Variants in XKR5 observed in about 807,000 individuals in gnomAD.
XKR5 encodes the protein XK-related protein 5.
XKR5 carries 46 observed loss-of-function variants against 40.8 expected under a neutral mutation model. The observed-to-expected ratio is 1.13, with a 90% CI of 0.89 to 1.44. The LOEUF (loss-of-function observed/expected upper bound fraction) is 1.44, where lower values mean the gene tolerates loss of function less well. Ranked by LOEUF, XKR5 falls within the 40% of genes most tolerant of loss-of-function variation. XKR5 has a pLI of 0.00. For synonymous variants in XKR5, 466 were observed against 356.1 expected (o/e 1.31, Z -3.48); for missense variants, 1,169 against 844.7 (o/e 1.38, Z -4.76).
intron 6 of XKR5, among the ~76,000 whole-genome samples, chr8:6,815,144 G>T (rs994928980): frequency 1.3e-5 from 2 of 152,224 alleles, no homozygotes; most frequent in African/African-American, 4.8e-5. Flanking sequence ...GTGGAAGCCT[G>T]CTGTGCTGGG....
chr8:6,809,818 C>G lies in XKR5; in HGVS notation c.*1380G>C, dbSNP rs1803599514. ...CAAAAGTGTTTGGAGAGAATAAAAACTACCCATTCTGGCTGGGCACGGTGG... is the reference window on the plus strand; with the variant it reads ...CAAAAGTGTTTGGAGAGAATAAAAAGTACCCATTCTGGCTGGGCACGGTGG... On this transcript the variant is annotated 3_prime_UTR_variant, in exon 7 of 7. Transcript: ENST00000618742. 1 of 152,146 alleles carries G rather than the reference C, an allele frequency of 6.6e-6. No homozygotes were observed. The highest frequency in any genetic ancestry group is 2.1e-4 in the South Asian group (1 of 4,824). The allele number at this position is 152,146 out of a possible 1,614,324, so 9.4% of individuals were successfully genotyped here.
chr8:6,811,163 T>G lies in XKR5; in HGVS notation c.*35A>C. 3 of 1,500,206 alleles carry G rather than the reference T, an allele frequency of 2.0e-6. No homozygotes were observed. The highest frequency in any genetic ancestry group is 2.7e-6 in the Non-Finnish European group (3 of 1,125,262). The allele number at this position is 1,500,206 out of a possible 1,614,324, so 92.9% of individuals were successfully genotyped here. ...ACGGTACCAAATGGCCAGCTTGGTT[T>G]GTCAGCCTGTTGTCTTATCCCACCA... On this transcript the variant is annotated 3_prime_UTR_variant, in exon 7 of 7. Transcript: ENST00000618742.
At chr8:6,819,323 G>A (rs575969590) in intron 5 of XKR5, among the ~76,000 whole-genome samples, 31 of 152,332 alleles carry the variant, frequency 2.0e-4, no homozygotes, top group South Asian at 1.0e-3. Context: ...TAATGCTTTC[G>A]GATGGCAGCA....
chr8:6,831,267 C>T (rs191745959), intron 2 of XKR5, among the ~76,000 whole-genome samples: 174 of 152,346 alleles, frequency 1.1e-3, no homozygotes, highest in Non-Finnish European at 1.9e-3. Context: ...AAAGATCCTT[C>T]TCTGCCTTCT....
chr8:6,823,844 C>G, intron 3 of XKR5, 114 bp from the exon 4 acceptor site: 1 of 916,536 alleles, frequency 1.1e-6, no homozygotes. Context: ...TTGTTAAAGC[C>G]TGGCTGCACA....
At chr8:6,830,761 G>A (rs1253426400) in intron 2 of XKR5, among the ~76,000 whole-genome samples, 1 of 152,004 alleles carries the variant, frequency 6.6e-6, no homozygotes, top group Non-Finnish European at 1.5e-5. Flanking sequence ...TTATCTATAT[G>A]ATTTCACTAG....
intron 2 of XKR5, among the ~76,000 whole-genome samples, chr8:6,832,014 C>CAAAA (rs34490284): frequency 1.3e-4 from 6 of 45,102 alleles, no homozygotes; most frequent in Middle Eastern, 0.013. Flanking sequence ...GACTCCATCT[C>CAAAA]AAAAAAAAAA....
chr8:6,831,691 C>T (rs190959679), intron 2 of XKR5, among the ~76,000 whole-genome samples: 1 of 152,184 alleles, frequency 6.6e-6, no homozygotes, highest in African/African-American at 2.4e-5. Flanking sequence ...CAGGGCTTCA[C>T]CGCTCTGATC....
intron 3 of XKR5, among the ~76,000 whole-genome samples, chr8:6,824,591 T>G (rs1804376801): frequency 6.6e-6 from 1 of 152,158 alleles, no homozygotes; most frequent in Admixed American, 6.5e-5. Context: ...AATGCAGTGA[T>G]GCAATCATGA....
In XKR5 at chr8:6,810,476, G is replaced by A. The variant is rs531181320; in HGVS notation, c.*722C>T. On this transcript the variant is annotated 3_prime_UTR_variant, in exon 7 of 7. Transcript: ENST00000618742. ...TCTTGGCTGGCCAGCCTGCACAAAG[G>A]GGAGCAGCACATTTCACAGAAAAAT... is the stretch of plus-strand genomic sequence containing the variant. The A allele has an allele frequency of 1.3e-5, 2 of 152,220 alleles. No individual in the cohort carries two copies. The highest frequency in any genetic ancestry group is 2.9e-5 in the Non-Finnish European group (2 of 68,046). 9.4% of individuals were successfully genotyped at this position (152,220 alleles called of 1,614,324 possible). A position where few individuals can be genotyped will look rare whatever the true frequency, so the allele number is the denominator to read the frequency against.
chr8:6,828,548 A>T (rs1363898433), intron 2 of XKR5, among the ~76,000 whole-genome samples: 2 of 152,186 alleles, frequency 1.3e-5, no homozygotes, highest in Non-Finnish European at 2.9e-5. Context: ...GACAGCCACT[A>T]GGGAAGCCGG....
Position 6,811,587 on chromosome 8 carries a change from C to T in XKR5, c.1672G>A (p.Gly558Ser). The change falls in exon 7 of 7, where the codon GGC (glycine) becomes AGC (serine). Residue 558 changes from glycine (G) to serine (S), a missense_variant. Physicochemically the swap from Gly to Ser is moderately conservative, Grantham distance 56. Transcript: ENST00000618742. ...GCCGTTTGCAGAGTAGCTGGGCTGC[C>T]TTCTTGTTGTGAGGATGTGGCCACT... Reference protein sequence around the residue: ...AEVATSSQQEGSPATLQTAHS... With the variant: ...AEVATSSQQESSPATLQTAHS... The T allele has an allele frequency of 6.5e-7, 1 of 1,537,316 alleles. No individual in the cohort carries two copies. Among genetic ancestry groups the T allele is most frequent in the South Asian group, 1.2e-5 (1 of 84,052 alleles).
At chr8:6,828,747 C>G (rs1211501857) in intron 2 of XKR5, among the ~76,000 whole-genome samples, 2 of 152,234 alleles carry the variant, frequency 1.3e-5, no homozygotes, top group Non-Finnish European at 1.5e-5. Flanking sequence ...CTGGTGCCAT[C>G]TGTCTACAGG....
intron 6 of XKR5, 61 bp from the exon 7 acceptor site, chr8:6,812,400 T>C: frequency 2.1e-6 from 3 of 1,458,120 alleles, no homozygotes; most frequent in Non-Finnish European, 2.7e-6. Flanking sequence ...CTCCCTCTGG[T>C]GTGCAGTTTC....
chr8:6,823,396 C>T (rs1415142408), intron 4 of XKR5, 125 bp downstream of exon 4: 2 of 997,168 alleles, frequency 2.0e-6, no homozygotes, highest in African/African-American at 1.6e-5. Flanking sequence ...AAGATCCATT[C>T]AGCAGAGAGC....
At position 6,826,137 on chromosome 8, in the gene XKR5, G is replaced by C. The variant is rs528373803; in HGVS notation, c.243-788C>G. On this transcript the variant is annotated intron_variant, in intron 2 of 6. Transcript: ENST00000618742. ...ACACACATGTGGTGTACATGTGCTT[G>C]TGTGTGTGTGTATGTATCTGCATGT... Among the ~76,000 whole-genome samples, 10 of 151,052 alleles carry C rather than the reference G, an allele frequency of 6.6e-5. 2 individuals are homozygous for C. The highest frequency in any genetic ancestry group is 2.4e-4 in the African/African-American group (10 of 41,426).
chr8:6,813,246 C>T (rs1803817852), intron 6 of XKR5, among the ~76,000 whole-genome samples: 1 of 152,208 alleles, frequency 6.6e-6, no homozygotes, highest in Non-Finnish European at 1.5e-5. Flanking sequence ...GGTGGACTTT[C>T]TCCATGTTCA....
intron 2 of XKR5, chr8:6,829,244 T>C (rs2117114883): frequency 5.9e-6 from 1 of 169,410 alleles, no homozygotes; most frequent in Admixed American, 6.5e-5. Context: ...CCAAGGTGCA[T>C]GCTAAGGATG....
intron 4 of XKR5, among the ~76,000 whole-genome samples, chr8:6,822,569 T>A (rs893286307): frequency 4.6e-5 from 7 of 152,190 alleles, no homozygotes; most frequent in Non-Finnish European, 7.3e-5. Context: ...TTCAAAAAAA[T>A]TATCTTTTTG....
Sources: allele counts gnomAD v4.1 joint callset (sites outside exome capture counted in the v4.1 genomes callset), GRCh38; gene constraint gnomAD v4.1.1; transcripts MANE v1.5; gene names NCBI Gene and HGNC (gene_info 2026-07-23, HGNC 2026-07-21).